Variants in KCNK10 observed in about 807,000 individuals in gnomAD.
KCNK10 encodes potassium two pore domain channel subfamily K member 10.
In KCNK10, 25 loss-of-function variants were observed where a neutral mutation model predicts 47.7. The ratio of observed to expected loss-of-function variants is 0.52; its 90% CI spans 0.38 to 0.73. The LOEUF (loss-of-function observed/expected upper bound fraction) is 0.73, where lower values mean the gene tolerates loss of function less well. KCNK10 is among the 30% of genes least tolerant of loss of function. KCNK10 has a pLI of 0.00. For synonymous variants in KCNK10, 303 were observed against 285.6 expected, an observed-to-expected ratio of 1.06 and a Z score of -0.61; for missense variants, 563 against 714.5, an observed-to-expected ratio of 0.79 and a Z score of 2.42.
intron 4 of KCNK10, among the ~76,000 whole-genome samples, chr14:88,226,337 G>T (rs751979912): frequency 2.6e-5 from 4 of 152,176 alleles, no homozygotes; most frequent in Non-Finnish European, 5.9e-5. Flanking sequence ...TTCTTCTAAA[G>T]AGAAGTATGA....
chr14:88,274,079 G>A (rs1887472537), intron 1 of KCNK10, among the ~76,000 whole-genome samples: 2 of 133,332 alleles, frequency 1.5e-5, no homozygotes, highest in Non-Finnish European at 3.1e-5. Flanking sequence ...CCACTCAGCA[G>A]CCAGGTGAGC....
At chr14:88,240,864 T>G in intron 2 of KCNK10, 44 bp from the exon 3 acceptor site, 2 of 1,249,984 alleles carry the variant, frequency 1.6e-6, no homozygotes, top group Non-Finnish European at 2.3e-6. Context: ...TTAAAAGTTG[T>G]TTATTTTTTT....
chr14:88,310,242 A>ATATGGTAT (rs1888298509), intron 1 of KCNK10, among the ~76,000 whole-genome samples: 1 of 143,254 alleles, frequency 7.0e-6, no homozygotes, highest in African/African-American at 2.7e-5. Context: ...ATACCATATA[A>ATATGGTAT]ATGATATGCA....
intron 1 of KCNK10, among the ~76,000 whole-genome samples, chr14:88,272,600 TG>T (rs1178652381): frequency 6.6e-6 from 1 of 152,046 alleles, no homozygotes; most frequent in African/African-American, 2.4e-5. Flanking sequence ...AAAATAAAGC[TG>T]CAAAGACAAG....
At chr14:88,250,250 C>G (rs1330734184) in intron 2 of KCNK10, among the ~76,000 whole-genome samples, 3 of 152,100 alleles carry the variant, frequency 2.0e-5, no homozygotes, top group African/African-American at 7.2e-5. Flanking sequence ...TCAATAACCC[C>G]AGGGATAGAA....
intron 2 of KCNK10, among the ~76,000 whole-genome samples, chr14:88,245,557 C>T (rs138577981): frequency 0.021 from 3,219 of 152,266 alleles, 56 homozygotes; most frequent in Non-Finnish European, 0.033. Flanking sequence ...CCATCATGAG[C>T]GTTAGTGCTG....
At chr14:88,203,038 G>C (rs1318781036) in intron 4 of KCNK10, among the ~76,000 whole-genome samples, 1 of 152,188 alleles carries the variant, frequency 6.6e-6, no homozygotes, top group Non-Finnish European at 1.5e-5. Context: ...GGGAGGTGGG[G>C]TGGCAGGCAG....
chr14:88,274,333 T>G (rs1459716546), intron 1 of KCNK10, among the ~76,000 whole-genome samples: 1 of 151,650 alleles, frequency 6.6e-6, no homozygotes, highest in Non-Finnish European at 1.5e-5. Flanking sequence ...TGAAAAATAT[T>G]TTTTGGCCTA....
At chr14:88,214,429 G>T (rs1405823830) in intron 4 of KCNK10, among the ~76,000 whole-genome samples, 1 of 152,236 alleles carries the variant, frequency 6.6e-6, no homozygotes, top group African/African-American at 2.4e-5. Flanking sequence ...GAAGAACAGA[G>T]TGGGGACTAT....
At chr14:88,297,030 A>C (rs903216071) in intron 1 of KCNK10, among the ~76,000 whole-genome samples, 1 of 152,262 alleles carries the variant, frequency 6.6e-6, no homozygotes, top group East Asian at 1.9e-4. Flanking sequence ...GCATCTAAGA[A>C]TTAATGTAGT....
intron 1 of KCNK10, among the ~76,000 whole-genome samples, chr14:88,280,010 G>A (rs569006340): frequency 7.3e-4 from 111 of 152,270 alleles, no homozygotes; most frequent in African/African-American, 2.5e-3. Flanking sequence ...CCAGCCATGC[G>A]GAACTGTAAG....
Position 88,263,331 on chromosome 14 carries a change from G to A in KCNK10, c.273C>T (p.Gly91=), listed in dbSNP as rs907623627. Residue 91 remains glycine (G), a synonymous_variant, in exon 2 of 7, where the codon GGC becomes GGT. Coordinates refer to ENST00000319231, the MANE Select transcript of KCNK10 (RefSeq NM_138317.3). ...FVVVVVYLVT[G]GLVFRALEQP... ...GCTCCAATGCCCGGAAGACAAGACC[G>A]CCAGTGACAAGGTAGACCACCACAA... is the stretch of plus-strand genomic sequence containing the variant. The A allele has an allele frequency of 2.9e-5, 46 of 1,613,720 alleles. No homozygotes were observed. The highest frequency in any genetic ancestry group is 1.1e-4 in the East Asian group (5 of 44,888).
Position 88,323,188 on chromosome 14 carries a change from A to G in KCNK10, c.-390T>C. ...CTGGGGCTACGGAGAAGCCCACTGC[A>G]GTGTCACTCCAGCCCCCGAAGGCGT... On this transcript the variant is annotated 5_prime_UTR_variant, in exon 1 of 7. Coordinates refer to ENST00000319231, the MANE Select transcript of KCNK10 (RefSeq NM_138317.3). 9.3e-7 allele frequency: 1 copy of G among 1,073,704 alleles called. No individual in the cohort carries two copies. The highest frequency in any genetic ancestry group is 1.1e-6 in the Non-Finnish European group (1 of 882,984). 66.5% of individuals were successfully genotyped at this position (1,073,704 alleles called of 1,614,324 possible). A position where few individuals can be genotyped will look rare whatever the true frequency, so the allele number is the denominator to read the frequency against.
chr14:88,197,588 A>T (rs1171920118), intron 4 of KCNK10, among the ~76,000 whole-genome samples: 1 of 134,582 alleles, frequency 7.4e-6, no homozygotes, highest in Non-Finnish European at 1.5e-5. Context: ...AAAAAAAAAA[A>T]AAAAAAAAAA....
intron 6 of KCNK10, among the ~76,000 whole-genome samples, chr14:88,187,068 G>A (rs1458707331): frequency 6.6e-6 from 1 of 152,204 alleles, no homozygotes; most frequent in Non-Finnish European, 1.5e-5. Context: ...TTTTCAGCAG[G>A]TCAGTTAGCT....
chr14:88,289,666 T>A (rs1286846702), intron 1 of KCNK10, among the ~76,000 whole-genome samples: 1 of 152,226 alleles, frequency 6.6e-6, no homozygotes, highest in African/African-American at 2.4e-5. Flanking sequence ...GGGGCTGTGA[T>A]GAATTGTTCA....
intron 1 of KCNK10, among the ~76,000 whole-genome samples, chr14:88,306,717 A>G (rs1888210118): frequency 6.6e-6 from 1 of 152,156 alleles, no homozygotes; most frequent in Non-Finnish European, 1.5e-5. Context: ...GGAGCCAACT[A>G]AGACACCATA....
intron 2 of KCNK10, among the ~76,000 whole-genome samples, chr14:88,243,228 C>A (rs1035418379): frequency 1.2e-4 from 18 of 152,246 alleles, no homozygotes; most frequent in Non-Finnish European, 2.4e-4. Flanking sequence ...TCGCCAGGTG[C>A]ACTAGAAGCG....
rs770159762 is a variant in KCNK10, at chr14:88,185,816, T to C, written c.1351A>G (p.Lys451Glu). 6.2e-7 allele frequency: 1 copy of C among 1,614,156 alleles called. No homozygotes were observed. The highest frequency in any genetic ancestry group is 8.5e-7 in the Non-Finnish European group (1 of 1,180,026). ...GTGAGTCTGGAGGTGGACCCGAACT[T>C]GTTGATGATGTTGTCCTCGGACGCA... ...QGASEDNIIN[K>E]FGSTSRLTKR... The change falls in exon 7 of 7, where the codon AAG becomes GAG. Residue 451 changes from lysine to glutamate, a missense_variant. By Grantham distance (56) the Lys-to-Glu change is moderately conservative. Coordinates refer to ENST00000319231, the MANE Select transcript of KCNK10 (RefSeq NM_138317.3). This position sits in a 1 kb window ranked among gnomAD's most constrained non-coding sequence, Gnocchi z 4.3.
Sources: gnomAD v4.1 joint callset for allele counts (sites outside exome capture counted in the v4.1 genomes callset) on GRCh38, gnomAD v4.1.1 for gene constraint, Gnocchi (gnomAD v3.1) non-coding constraint, MANE v1.5 for transcripts, NCBI Gene and HGNC (gene_info 2026-07-23, HGNC 2026-07-21) for gene names.